The following ABCB11 variants were observed in gnomAD, a reference collection of about 807,000 sequenced individuals.
ABCB11 encodes ATP binding cassette subfamily B member 11.
Under a neutral mutation model 148.0 loss-of-function variants are expected in ABCB11, and 95 were observed. The ratio of observed to expected loss-of-function variants is 0.64; its 90% confidence interval spans 0.54 to 0.76. ABCB11 has a LOEUF of 0.76. Ranked by LOEUF, ABCB11 falls within the 30% of genes least tolerant of loss-of-function variation. ABCB11 has a pLI of 0.00. For synonymous variants in ABCB11, 591 were observed against 555.4 expected (o/e 1.06, Z -0.90); for missense variants, 1,523 against 1,617.8 (o/e 0.94, Z 1.01).
intron 5 of ABCB11, among the ~76,000 whole-genome samples, chr2:169,001,917 G>A (rs183413099): frequency 2.5e-3 from 381 of 152,192 alleles, no homozygotes; most frequent in Non-Finnish European, 2.7e-3. Flanking sequence ...TTTTCAGGAT[G>A]TTATGTTTGT....
intron 9 of ABCB11, among the ~76,000 whole-genome samples, chr2:168,988,756 C>T (rs145566402): frequency 6.6e-6 from 1 of 152,194 alleles, no homozygotes; most frequent in East Asian, 1.9e-4. Context: ...TTCATTTTCC[C>T]CATATGCTTG....
intron 22 of ABCB11, 120 bp from the exon 23 acceptor site, chr2:168,935,545 C>T (rs1029483627): frequency 4.1e-5 from 53 of 1,305,326 alleles, no homozygotes; most frequent in Non-Finnish European, 5.2e-5. Flanking sequence ...TCAGAGAATG[C>T]ATCATCTGGG....
At chr2:168,935,473 C>G (rs748983132) in intron 22 of ABCB11, 48 bp from the exon 23 acceptor site, 1 of 1,566,640 alleles carries the variant, frequency 6.4e-7, no homozygotes, top group Admixed American at 1.8e-5. Context: ...GAAATAACTC[C>G]TTTCGTGACA....
chr2:169,019,756 C>T (rs1002657681), intron 1 of ABCB11, among the ~76,000 whole-genome samples: 2 of 152,126 alleles, frequency 1.3e-5, no homozygotes, highest in African/African-American at 4.8e-5. Flanking sequence ...ATATAAAGAA[C>T]AGACTGACAG....
chr2:168,921,857 CTTT>C lies in ABCB11; in HGVS notation c.*1762_*1764del, dbSNP rs1691083931. ...GGAGTCCTTGACCTCTTTTCTTTTT[CTTT>C]TTCTTTTTTTTTTTTTTTCGCTCTG... On this transcript the variant is annotated 3_prime_UTR_variant, in exon 28 of 28. Transcript: ENST00000650372. Among the ~76,000 whole-genome samples the C allele has an allele frequency of 1.5e-5, 2 of 136,010 alleles. No individual in the cohort carries two copies. The highest frequency in any genetic ancestry group is 3.1e-5 in the Non-Finnish European group (2 of 65,550). 89.2% of individuals were successfully genotyped at this position (136,010 alleles called of 152,430 possible).
At chr2:168,992,730 C>A (rs1178082716) in intron 8 of ABCB11, among the ~76,000 whole-genome samples, 1 of 151,986 alleles carries the variant, frequency 6.6e-6, no homozygotes, top group African/African-American at 2.4e-5. Flanking sequence ...AGCGGTACAG[C>A]CAAGTGGTGA....
intron 5 of ABCB11, among the ~76,000 whole-genome samples, chr2:168,997,760 C>T (rs1193776345): frequency 6.6e-6 from 1 of 151,922 alleles, no homozygotes; most frequent in Non-Finnish European, 1.5e-5. Context: ...TCATTTAATA[C>T]AGAATAAACT....
chr2:168,919,263 A>G (rs56135702), downstream of ABCB11, among the ~76,000 whole-genome samples: 15,742 of 152,166 alleles, frequency 0.1, 861 homozygotes, highest in African/African-American at 0.14. Flanking sequence ...ATAAAAATAT[A>G]TTTTCTTTTT....
intron 10 of ABCB11, among the ~76,000 whole-genome samples, chr2:168,981,679 A>G (rs1296043577): frequency 6.6e-6 from 1 of 152,112 alleles, no homozygotes; most frequent in Admixed American, 6.6e-5. Flanking sequence ...AGGTCTTCCT[A>G]CCTCAGCAAA....
chr2:168,976,727 C>G lies in ABCB11; in HGVS notation c.1198-40G>C, dbSNP rs1693923890. The G allele has an allele frequency of 2.6e-5, 31 of 1,200,820 alleles. No individual in the cohort carries two copies. In the East Asian group the frequency reaches 7.4e-4, roughly 29 times the overall value. The allele number at this position is 1,200,820 out of a possible 1,614,324, so 74.4% of individuals were successfully genotyped here. A position where few individuals can be genotyped will look rare whatever the true frequency, so the allele number is the denominator to read the frequency against. ...AAAAGGGACACAGTGTAAACTCAAA[C>G]TAAGATGCACAACTCAATTCAAATT... On this transcript the variant is annotated intron_variant, in intron 11 of 27. Coordinates refer to ENST00000650372, the MANE Select transcript of ABCB11 (RefSeq NM_003742.4).
At chr2:168,919,760 C>T (rs1691022773), downstream of ABCB11, among the ~76,000 whole-genome samples, 1 of 152,062 alleles carries the variant, frequency 6.6e-6, no homozygotes, top group Non-Finnish European at 1.5e-5. Context: ...TAGAATGATT[C>T]CCCTTAGAAT....
chr2:168,999,558 G>T (rs1694813285), intron 5 of ABCB11, among the ~76,000 whole-genome samples: 1 of 152,028 alleles, frequency 6.6e-6, no homozygotes, highest in South Asian at 2.1e-4. Context: ...GTCATTTCAA[G>T]AATGTCATAT....
At chr2:168,936,729 C>A (rs1691847574) in intron 21 of ABCB11, among the ~76,000 whole-genome samples, 1 of 152,082 alleles carries the variant, frequency 6.6e-6, no homozygotes, top group African/African-American at 2.4e-5. Flanking sequence ...TTCTAACTCT[C>A]TGTCTGTATA....
chr2:168,961,707 G>C (rs1000442661), intron 18 of ABCB11, among the ~76,000 whole-genome samples: 5 of 151,710 alleles, frequency 3.3e-5, no homozygotes, highest in Admixed American at 3.3e-4. Context: ...TGGAGAGCAA[G>C]GATAAATGGG....
In ABCB11 at chr2:168,964,560, A is replaced by G. The variant is rs555141615; in HGVS notation, c.2076-252T>C. 7.9e-5 allele frequency among the ~76,000 whole-genome samples: 12 copies of G among 151,714 alleles called. No individual in the cohort carries two copies. The South Asian group carries it at 2.5e-3, about 32-fold the overall frequency. ...AGATTCAGAGTGTAGTCAGGGAGGG[A>G]GAAAGAGAAAGGGAGCAAAGCTGTC... On this transcript the variant is annotated intron_variant, in intron 17 of 27. Transcript: ENST00000650372.
At chr2:169,024,800 T>C (rs1287983034) in intron 1 of ABCB11, among the ~76,000 whole-genome samples, 1 of 152,166 alleles carries the variant, frequency 6.6e-6, no homozygotes, top group Non-Finnish European at 1.5e-5. Flanking sequence ...TTTTGAGGAG[T>C]ACTCATCACT....
At position 168,935,197 on chromosome 2, in the gene ABCB11, T is replaced by A; in HGVS notation, c.3043A>T (p.Ser1015Cys). 2 of 1,614,064 alleles carry A rather than the reference T, an allele frequency of 1.2e-6. No homozygotes were observed. The highest frequency in any genetic ancestry group is 1.7e-6 in the Non-Finnish European group (2 of 1,179,902). ...YLISNEGLHFSYVFRVISAVV... is the reference protein window; with the variant it reads ...YLISNEGLHFCYVFRVISAVV... ...GATATTCCTCACCTGAACACATAGCTGAAATGGAGCCCCTCATTGGAGATT... is the reference window on the plus strand; with the variant it reads ...GATATTCCTCACCTGAACACATAGCAGAAATGGAGCCCCTCATTGGAGATT... Residue 1015 changes from serine to cysteine, a missense_variant, in exon 23 of 28, where the codon AGC becomes TGC. Coordinates refer to ENST00000650372, the MANE Select transcript of ABCB11 (RefSeq NM_003742.4).
At chr2:168,972,071 A>T (rs1227755109) in intron 13 of ABCB11, 21 bp from the exon 14 acceptor site, 3 of 1,606,344 alleles carry the variant, frequency 1.9e-6, no homozygotes, top group Admixed American at 1.7e-5. Flanking sequence ...TGGGCACAAC[A>T]TCACAACTTT....
At chr2:169,010,344 T>C (rs1695143311) in intron 5 of ABCB11, among the ~76,000 whole-genome samples, 1 of 152,216 alleles carries the variant, frequency 6.6e-6, no homozygotes, top group South Asian at 2.1e-4. Context: ...CCAGAAATTC[T>C]GATAAGCTAA....
Sources: allele counts gnomAD v4.1 joint callset (sites outside exome capture counted in the v4.1 genomes callset), GRCh38; gene constraint gnomAD v4.1.1; transcripts MANE v1.5; gene names NCBI Gene and HGNC (gene_info 2026-07-23, HGNC 2026-07-21).